Variants in TSHR observed in about 807,000 individuals in gnomAD.
TSHR encodes thyroid stimulating hormone receptor, also known as thyrotropin receptor.
A neutral mutation model predicts 64.1 loss-of-function variants in TSHR; 51 were observed. The observed-to-expected ratio is 0.80, with a 90% CI of 0.64 to 1.01. The LOEUF is 1.01. TSHR is among the 50% of genes least tolerant of loss of function. The pLI, the probability that TSHR is intolerant of heterozygous loss-of-function variation, is 0.00. For synonymous variants in TSHR, 361 were observed against 361.9 expected, an observed-to-expected ratio of 1.00 and a Z score of 0.03; for missense variants, 877 against 942.8, an observed-to-expected ratio of 0.93 and a Z score of 0.91.
At chr14:81,108,146 A>C (rs770817459) in intron 7 of TSHR, among the ~76,000 whole-genome samples, 2 of 152,176 alleles carry the variant, frequency 1.3e-5, no homozygotes, top group Non-Finnish European at 2.9e-5. Flanking sequence ...CTAGATCATA[A>C]ACATGCTCAT....
intron 1 of TSHR, chr14:80,993,567 C>G (rs1021862194): frequency 2.6e-5 from 4 of 152,018 alleles, no homozygotes; most frequent in Admixed American, 2.0e-4. Flanking sequence ...CTATACTATA[C>G]TACTCTACTA....
At chr14:81,057,907 C>A (rs1885940754) in intron 1 of TSHR, among the ~76,000 whole-genome samples, 1 of 152,194 alleles carries the variant, frequency 6.6e-6, no homozygotes, top group Non-Finnish European at 1.5e-5. Context: ...AGAACCCACA[C>A]CTATATATGC....
At chr14:80,997,075 C>T (rs994393517) in intron 1 of TSHR, among the ~76,000 whole-genome samples, 2 of 152,146 alleles carry the variant, frequency 1.3e-5, no homozygotes, top group East Asian at 3.9e-4. Flanking sequence ...CTCACTTATT[C>T]AGCATATCAG....
rs189264900 is a variant in TSHR, at chr14:81,124,300, G to A, written c.693-15379G>A. On this transcript the variant is annotated intron_variant, in intron 8 of 9. Transcript: ENST00000298171. ...GAAAATTTGTGGCAGAGTCCTTACC[G>A]GCATGCCTGAAAGACACAGGTGAAT... 1.1e-4 allele frequency among the ~76,000 whole-genome samples: 17 copies of A among 151,566 alleles called. No individual in the cohort carries two copies. The East Asian group carries it at 1.5e-3, about 14-fold the overall frequency.
rs762013134 is a variant in TSHR, at chr14:81,143,847, G to A, written c.1789G>A (p.Val597Ile). 1.6e-5 allele frequency: 26 copies of A among 1,613,486 alleles called. No individual in the cohort carries two copies. The highest frequency in any genetic ancestry group is 6.7e-5 in the East Asian group (3 of 44,844). Residue 597 changes from valine (V) to isoleucine (I), a missense_variant, in exon 10 of 10, where the codon GTC (valine) becomes ATC (isoleucine). Transcript: ENST00000298171. Reference sequence around the variant, plus strand: ...GCTCAACATAGTTGCCTTCGTCATCGTCTGCTGCTGTTATGTGAAGATCTA... The same window carrying A: ...GCTCAACATAGTTGCCTTCGTCATCATCTGCTGCTGTTATGTGAAGATCTA... The part of the protein sequence containing the change: ...LTLNIVAFVI[V>I]CCCYVKIYIT...
chr14:80,982,750 A>G, intron 1 of TSHR: 1 of 691,622 alleles, frequency 1.4e-6, no homozygotes, highest in Non-Finnish European at 2.3e-6. Context: ...AGCTGAAGAA[A>G]ATGCCTATTC....
intron 8 of TSHR, among the ~76,000 whole-genome samples, chr14:81,130,625 G>C (rs1891198124): frequency 6.6e-6 from 1 of 151,978 alleles, no homozygotes; most frequent in Non-Finnish European, 1.5e-5. Context: ...CACTTGTATG[G>C]ATTTACCTAA....
intron 6 of TSHR, 50 bp downstream of exon 6, chr14:81,092,658 C>T: frequency 6.4e-7 from 1 of 1,556,754 alleles, no homozygotes; most frequent in Non-Finnish European, 8.9e-7. Context: ...CTATTTTGAG[C>T]CATTTTCATA....
intron 1 of TSHR, among the ~76,000 whole-genome samples, chr14:81,005,194 C>A (rs1398873654): frequency 9.1e-6 from 1 of 109,322 alleles, no homozygotes; most frequent in Admixed American, 1.0e-4. Context: ...GGGACTCAAG[C>A]CTTTGTGTGT....
intron 1 of TSHR, among the ~76,000 whole-genome samples, chr14:81,011,097 C>T (rs1038147296): frequency 6.6e-6 from 1 of 152,196 alleles, no homozygotes. Flanking sequence ...ACTAACATGA[C>T]TGAGTTGGGT....
chr14:81,126,030 C>G (rs1045371243), intron 8 of TSHR, among the ~76,000 whole-genome samples: 1 of 152,042 alleles, frequency 6.6e-6, no homozygotes, highest in Non-Finnish European at 1.5e-5. Flanking sequence ...ATTTTCAGAA[C>G]AGAAGAGTCA....
chr14:81,037,295 A>G (rs1193076702), intron 1 of TSHR, among the ~76,000 whole-genome samples: 1 of 151,418 alleles, frequency 6.6e-6, no homozygotes, highest in Admixed American at 6.6e-5. Flanking sequence ...GGTAACCACA[A>G]AGAAAAAAAT....
At chr14:81,029,393 T>G (rs990680017) in intron 1 of TSHR, among the ~76,000 whole-genome samples, 44 of 152,108 alleles carry the variant, frequency 2.9e-4, no homozygotes, top group Non-Finnish European at 4.4e-5. Flanking sequence ...GTTTAGATCA[T>G]ATAGCATGAT....
At chr14:81,127,415 T>C (rs147499152) in intron 8 of TSHR, among the ~76,000 whole-genome samples, 5 of 152,336 alleles carry the variant, frequency 3.3e-5, no homozygotes, top group Middle Eastern at 3.4e-3. Context: ...TTTGCCAGTA[T>C]GATGATGATC....
chr14:81,092,515 TC>T lies in TSHR; in HGVS notation c.468-13del. The T allele has an allele frequency of 6.2e-7, 1 of 1,613,698 alleles. No homozygotes were observed. Among genetic ancestry groups the T allele is most frequent in the Non-Finnish European group, 8.5e-7 (1 of 1,179,610 alleles). ...AGCATTTTTTCATTAAGTGTTTTTG[TC>T]CCTCTCTCTTGCAGTGAAATTACAG... is the stretch of plus-strand genomic sequence containing the variant. On this transcript the variant is annotated splice_polypyrimidine_tract_variant and intron_variant, in intron 5 of 9. Coordinates refer to ENST00000298171, the MANE Select transcript of TSHR (RefSeq NM_000369.5).
chr14:81,044,833 C>T (rs1713188082), intron 1 of TSHR, among the ~76,000 whole-genome samples: 1 of 152,146 alleles, frequency 6.6e-6, no homozygotes, highest in South Asian at 2.1e-4. Flanking sequence ...TTGTGGAAGA[C>T]TGTGTGGTGA....
At position 81,143,419 on chromosome 14, in the gene TSHR, G is replaced by A. The variant is rs2140110862; in HGVS notation, c.1361G>A (p.Cys454Tyr). 1 of 1,614,114 alleles carries A rather than the reference G, an allele frequency of 6.2e-7. No homozygotes were observed. Among genetic ancestry groups the A allele is most frequent in the South Asian group, 1.1e-5 (1 of 91,078 alleles). ...CTGAACGTCCCCCGCTTTCTCATGT[G>A]CAACCTGGCCTTTGCGGATTTCTGC... ...YKLNVPRFLM[C>Y]NLAFADFCMG... The change falls in exon 10 of 10, where the codon TGC becomes TAC. Residue 454 changes from cysteine (C) to tyrosine (Y), a missense_variant. Transcript: ENST00000298171.
At chr14:81,045,086 T>C (rs1161086210) in intron 1 of TSHR, among the ~76,000 whole-genome samples, 1 of 152,178 alleles carries the variant, frequency 6.6e-6, no homozygotes, top group Non-Finnish European at 1.5e-5. Context: ...AATGAGATCA[T>C]GTCCTTTGCA....
At position 81,008,884 on chromosome 14, in the gene TSHR, T is replaced by C. The variant is rs542851496; in HGVS notation, c.170+53034T>C. On this transcript the variant is annotated intron_variant, in intron 1 of 9. Coordinates refer to ENST00000298171, the MANE Select transcript of TSHR (RefSeq NM_000369.5). ...TATAAAAGCTCATCTGTCCATGATA[T>C]ATAGCAATGTACCCATACAATATGA... Among the ~76,000 whole-genome samples, 5 of 152,340 alleles carry C rather than the reference T, an allele frequency of 3.3e-5. No individual in the cohort carries two copies. The East Asian group carries it at 7.7e-4, about 24-fold the overall frequency.
Sources: gnomAD v4.1 joint callset for allele counts (sites outside exome capture counted in the v4.1 genomes callset) on GRCh38, gnomAD v4.1.1 for gene constraint, MANE v1.5 for transcripts, NCBI Gene and HGNC (gene_info 2026-07-23, HGNC 2026-07-21) for gene names.